CBX7: variants seen among roughly 807,000 people sequenced by gnomAD.
The protein encoded by CBX7 is chromobox protein homolog 7.
CBX7 carries 14 observed loss-of-function variants against 31.4 expected under a neutral mutation model. That is an observed-to-expected ratio of 0.45 (90% CI 0.29 to 0.70). The LOEUF (loss-of-function observed/expected upper bound fraction) is 0.70, where lower values mean the gene tolerates loss of function less well. Ranked by LOEUF, CBX7 falls within the 30% of genes least tolerant of loss-of-function variation. CBX7 has a pLI of 0.11. For missense variants in CBX7, 269 were observed against 351.9 expected, an observed-to-expected ratio of 0.76 and a Z score of 1.89; for synonymous variants, 159 against 152.6, an observed-to-expected ratio of 1.04 and a Z score of -0.31.
intron 2 of CBX7, 41 bp from the exon 3 acceptor site, chr22:39,141,477 G>T (rs768494315): frequency 1.9e-6 from 3 of 1,555,498 alleles, no homozygotes; most frequent in Non-Finnish European, 2.6e-6. Context: ...GGCTGGGCGC[G>T]GTGGCTCATG....
chr22:39,141,652 G>A (rs112961641), intron 2 of CBX7, among the ~76,000 whole-genome samples: 20 of 151,936 alleles, frequency 1.3e-4, no homozygotes, highest in African/African-American at 4.8e-4. Flanking sequence ...AGGAGGCTGA[G>A]ACAGGAGAAT....
intron 3 of CBX7, among the ~76,000 whole-genome samples, chr22:39,139,702 C>CAAAAAAAAAA (rs67244690): frequency 3.1e-5 from 1 of 32,072 alleles, no homozygotes; most frequent in African/African-American, 1.1e-4. Flanking sequence ...GACTCCATCT[C>CAAAAAAAAAA]AAAAAAAAAA....
Position 39,132,435 on chromosome 22 carries a change from A to G in CBX7, c.*1456T>C, listed in dbSNP as rs79503. 75,854 of 152,254 alleles carry G rather than the reference A, an allele frequency of 0.5. 20,543 individuals are homozygous for G. The highest frequency in any genetic ancestry group is 0.72 in the African/African-American group (29,799 of 41,458). 9.4% of individuals were successfully genotyped at this position (152,254 alleles called of 1,614,324 possible). A position where few individuals can be genotyped will look rare whatever the true frequency, so the allele number is the denominator to read the frequency against. On this transcript the variant is annotated 3_prime_UTR_variant, in exon 6 of 6. Coordinates refer to ENST00000216133, the MANE Select transcript of CBX7 (RefSeq NM_175709.5). ...TTCCATGCTCCCCTTGGGCCCCCCA[A>G]TCTGGTTTTGTCTCCCCTACAGGAC...
intron 2 of CBX7, chr22:39,148,395 G>A (rs1391397503): frequency 1.3e-5 from 2 of 152,266 alleles, no homozygotes; most frequent in Non-Finnish European, 2.9e-5. Flanking sequence ...CTCCAGAGGA[G>A]GAAAAATAGC....
Position 39,152,675 on chromosome 22 carries a change from G to C in CBX7, c.-231C>G, listed in dbSNP as rs1930909894. The C allele has an allele frequency of 6.7e-6, 1 of 149,188 alleles. No individual in the cohort carries two copies. Among genetic ancestry groups the C allele is most frequent in the Non-Finnish European group, 1.5e-5 (1 of 66,916 alleles). The allele number at this position is 149,188 out of a possible 1,614,324, so 9.2% of individuals were successfully genotyped here. On this transcript the variant is annotated 5_prime_UTR_variant, in exon 1 of 6. Transcript: ENST00000216133. The surrounding 1 kb of genome is among the most constrained non-coding windows in gnomAD (Gnocchi z 4.9). ...GCGCCAGCGAGCGAGCGCGCGCAAG[G>C]AGGGGGCGGGGCGGGAGCGCGCGGA...
intron 3 of CBX7, among the ~76,000 whole-genome samples, chr22:39,139,514 A>G (rs528631643): frequency 6.6e-6 from 1 of 151,878 alleles, no homozygotes; most frequent in South Asian, 2.1e-4. Context: ...CATCCAGGCT[A>G]ACACAGTGAA....
chr22:39,136,651 C>T (rs895579273), intron 4 of CBX7: 5 of 152,372 alleles, frequency 3.3e-5, no homozygotes, highest in African/African-American at 4.8e-5. Flanking sequence ...CAGACTAGAA[C>T]CACTGAAGAA....
At chr22:39,149,754 CAG>C (rs1569112898) in intron 2 of CBX7, 33 bp downstream of exon 2, 1 of 1,600,108 alleles carries the variant, frequency 6.2e-7, no homozygotes, top group East Asian at 2.2e-5. Flanking sequence ...GGTCGGTAGG[CAG>C]ACAGACAGAC....
At chr22:39,137,426 G>A (rs1351300084) in intron 4 of CBX7, among the ~76,000 whole-genome samples, 2 of 152,054 alleles carry the variant, frequency 1.3e-5, no homozygotes, top group Non-Finnish European at 2.9e-5. Flanking sequence ...TTGGCTCCCT[G>A]CAACCTCCAC....
At chr22:39,149,580 G>A (rs1930779580) in intron 2 of CBX7, 13 of 588,736 alleles carry the variant, frequency 2.2e-5, no homozygotes, top group Non-Finnish European at 3.9e-5. Flanking sequence ...AGGGCAGGGT[G>A]AGAAGAGAAG....
intron 3 of CBX7, 23 bp downstream of exon 3, chr22:39,141,348 C>A (rs1218771098): frequency 6.2e-7 from 1 of 1,602,418 alleles, no homozygotes. Context: ...AAGCCCCACC[C>A]GGCGGTGCCG....
In CBX7 at chr22:39,134,588, G is replaced by A; in HGVS notation, c.411C>T (p.Phe137=). ...DKGPLVPTLP[F]PLRKPRKAHK... ...GGGCCTTTCGGGGCTTGCGGAGCGG[G>A]AAGGGCAGGGTGGGCACCAAGGGGC... is the stretch of plus-strand genomic sequence containing the variant. Residue 137 remains phenylalanine (F), a synonymous_variant, in exon 5 of 6, where the codon TTC becomes TTT. Coordinates refer to ENST00000216133, the MANE Select transcript of CBX7 (RefSeq NM_175709.5). 6.3e-7 allele frequency: 1 copy of A among 1,595,746 alleles called. No individual in the cohort carries two copies. Among genetic ancestry groups the A allele is most frequent in the Non-Finnish European group, 8.5e-7 (1 of 1,171,730 alleles).
chr22:39,142,204 T>C (rs1930483278), intron 2 of CBX7, among the ~76,000 whole-genome samples: 1 of 152,186 alleles, frequency 6.6e-6, no homozygotes, highest in Non-Finnish European at 1.5e-5. Context: ...GCTGATGAGA[T>C]GTGTATTCCA....
In CBX7 at chr22:39,138,665, C is replaced by G; in HGVS notation, c.217G>C (p.Gly73Arg). 6.2e-7 allele frequency: 1 copy of G among 1,614,194 alleles called. No homozygotes were observed. The highest frequency in any genetic ancestry group is 8.5e-7 in the Non-Finnish European group (1 of 1,180,026). The change falls in exon 4 of 6, where the codon GGT (glycine) becomes CGT (arginine). Residue 73 changes from glycine to arginine, a missense_variant. Gly to Arg is a moderately radical substitution (Grantham distance 125, BLOSUM62 -2). Around this residue, in one of 2 missense-constraint regions of CBX7, gnomAD observed 47 missense variants for 111.5 expected, o/e 0.42. Coordinates refer to ENST00000216133, the MANE Select transcript of CBX7 (RefSeq NM_175709.5). Reference sequence around the variant, plus strand: ...AGCAGAAGCCGCTTGGGTTTCGGACCTCTCTTCCTATACCCCGATGCTCGG... The same window carrying G: ...AGCAGAAGCCGCTTGGGTTTCGGACGTCTCTTCCTATACCCCGATGCTCGG... ...RDRASGYRKR[G>R]PKPKRLLLQR... is the part of the protein sequence containing the mutation.
chr22:39,147,887 A>G (rs1410609053), intron 2 of CBX7: 1 of 152,268 alleles, frequency 6.6e-6, no homozygotes, highest in Non-Finnish European at 1.5e-5. Context: ...GAAAACAAAA[A>G]GAACAGCTAG....
At chr22:39,137,348 G>C (rs542006782) in intron 4 of CBX7, among the ~76,000 whole-genome samples, 5 of 139,552 alleles carry the variant, frequency 3.6e-5, no homozygotes, top group South Asian at 5.4e-4. Flanking sequence ...TTGTTGGGGT[G>C]GGGGGGCGGG....
At chr22:39,145,114 G>GC (rs1930597345) in intron 2 of CBX7, among the ~76,000 whole-genome samples, 1 of 152,182 alleles carries the variant, frequency 6.6e-6, no homozygotes, top group Non-Finnish European at 1.5e-5. Context: ...CACAGTGAGC[G>GC]CCCCGAAAGG....
At chr22:39,149,587 G>C (rs77832508) in intron 2 of CBX7, 1 of 591,598 alleles carries the variant, frequency 1.7e-6, no homozygotes, top group Non-Finnish European at 3.0e-6. Context: ...GGTGAGAAGA[G>C]AAGCTGGAGA....
At chr22:39,137,268 C>T (rs1034842021) in intron 4 of CBX7, among the ~76,000 whole-genome samples, 1 of 141,720 alleles carries the variant, frequency 7.1e-6, no homozygotes, top group East Asian at 2.0e-4. Flanking sequence ...CTCCAATGAA[C>T]ACTTCCTTTG....
Sources: allele counts gnomAD v4.1 joint callset (sites outside exome capture counted in the v4.1 genomes callset), GRCh38; gene constraint gnomAD v4.1.1; regional missense constraint gnomAD v4.1.1; non-coding constraint Gnocchi (gnomAD v3.1); transcripts MANE v1.5; gene names NCBI Gene and HGNC (gene_info 2026-07-23, HGNC 2026-07-21).